Variants in PTPRK observed in about 807,000 individuals in gnomAD.
PTPRK encodes protein tyrosine phosphatase receptor type K.
In PTPRK, 75 loss-of-function variants were observed where a neutral mutation model predicts 178.0. The observed-to-expected ratio is 0.42, with a 90% CI of 0.35 to 0.51. PTPRK has a LOEUF of 0.51. PTPRK is among the 20% of genes least tolerant of loss of function. PTPRK has a pLI of 0.02. For synonymous variants in PTPRK, 637 were observed against 620.6 expected, an observed-to-expected ratio of 1.03 and a Z score of -0.39; for missense variants, 1,441 against 1,797.8, an observed-to-expected ratio of 0.80 and a Z score of 3.59.
intron 1 of PTPRK, among the ~76,000 whole-genome samples, chr6:128,406,972 T>A (rs182975032): frequency 5.9e-5 from 9 of 152,338 alleles, no homozygotes; most frequent in African/African-American, 2.2e-4. Context: ...AAATTTTACA[T>A]TGGATCTCAC....
chr6:128,148,516 C>T (rs1427756149), intron 7 of PTPRK, among the ~76,000 whole-genome samples: 3 of 152,050 alleles, frequency 2.0e-5, no homozygotes, highest in Non-Finnish European at 4.4e-5. Flanking sequence ...GAAGGTGATC[C>T]TCTTTTGACA....
chr6:127,992,787 A>C, intron 18 of PTPRK, 78 bp from the exon 19 acceptor site: 1 of 1,152,958 alleles, frequency 8.7e-7, no homozygotes, highest in Non-Finnish European at 1.3e-6. Flanking sequence ...AAAGATGAAG[A>C]CAACCACCTG....
At chr6:128,482,767 A>G (rs555326436) in intron 1 of PTPRK, among the ~76,000 whole-genome samples, 35 of 152,284 alleles carry the variant, frequency 2.3e-4, no homozygotes, top group African/African-American at 8.2e-4. Context: ...TGCAATCAAC[A>G]AGACAGCAAT....
At chr6:128,224,446 T>G (rs1450134635) in intron 5 of PTPRK, among the ~76,000 whole-genome samples, 1 of 152,158 alleles carries the variant, frequency 6.6e-6, no homozygotes, top group East Asian at 1.9e-4. Context: ...AAAGGTTGAT[T>G]CTCCAACATC....
intron 3 of PTPRK, among the ~76,000 whole-genome samples, chr6:128,261,424 T>C (rs1397091443): frequency 6.6e-6 from 1 of 152,208 alleles, no homozygotes; most frequent in Non-Finnish European, 1.5e-5. Flanking sequence ...CACTACATTG[T>C]ACATTGACAG....
chr6:128,377,597 A>C (rs1468544375), intron 2 of PTPRK, among the ~76,000 whole-genome samples: 3 of 152,096 alleles, frequency 2.0e-5, no homozygotes, highest in African/African-American at 7.2e-5. Context: ...GAACTGCCTA[A>C]ATTTTCTTCA....
At chr6:128,307,003 G>C (rs1348204919) in intron 3 of PTPRK, among the ~76,000 whole-genome samples, 3 of 151,760 alleles carry the variant, frequency 2.0e-5, no homozygotes, top group Admixed American at 1.3e-4. Flanking sequence ...CATTTCAAAG[G>C]ACATGTTTAA....
intron 13 of PTPRK, among the ~76,000 whole-genome samples, chr6:128,060,937 A>T (rs890921398): frequency 4.6e-5 from 7 of 152,164 alleles, no homozygotes; most frequent in Admixed American, 3.3e-4. Flanking sequence ...CAGTACTGTA[A>T]CCTGTTTGAT....
intron 6 of PTPRK, among the ~76,000 whole-genome samples, chr6:128,198,215 T>C (rs764228912): frequency 3.9e-5 from 6 of 152,152 alleles, no homozygotes; most frequent in African/African-American, 4.8e-5. Context: ...GAACTCTATG[T>C]CTTATTAAGA....
chr6:128,298,300 A>G (rs936711079), intron 3 of PTPRK, among the ~76,000 whole-genome samples: 5 of 152,110 alleles, frequency 3.3e-5, no homozygotes, highest in South Asian at 4.1e-4. Flanking sequence ...TACCAAAGGT[A>G]CAAGGAGGAA....
intron 3 of PTPRK, among the ~76,000 whole-genome samples, chr6:128,284,643 T>G (rs893615151): frequency 2.0e-5 from 3 of 152,226 alleles, no homozygotes; most frequent in Non-Finnish European, 4.4e-5. Context: ...AAAATCTGCA[T>G]GATATTTACA....
intron 3 of PTPRK, among the ~76,000 whole-genome samples, chr6:128,271,044 A>G (rs566603913): frequency 1.4e-4 from 21 of 152,202 alleles, no homozygotes; most frequent in Middle Eastern, 6.8e-3. Context: ...TAACATCAAG[A>G]GTAGCCTTGA....
At chr6:128,070,254 C>T (rs908778000) in intron 11 of PTPRK, among the ~76,000 whole-genome samples, 2 of 151,944 alleles carry the variant, frequency 1.3e-5, no homozygotes, top group Non-Finnish European at 2.9e-5. Context: ...AAACTTAAAC[C>T]AGGAACCTCA....
At position 128,067,729 on chromosome 6, in the gene PTPRK, C is replaced by T. The variant is rs746581345; in HGVS notation, c.1947G>A (p.Met649Ile). ...PHRTKREAGA[M>I]ECYQVPVTYQ... ...ATGTGACAGGAACCTGGTAGCATTC[C>T]ATGGCTCCGGCTTCTCTCTTGGTTC... Residue 649 changes from methionine to isoleucine, a missense_variant, in exon 12 of 30, where the codon ATG becomes ATA. Physicochemically the swap from Met to Ile is conservative, Grantham distance 10. Coordinates refer to ENST00000368226, the MANE Select transcript of PTPRK (RefSeq NM_002844.4). The T allele has an allele frequency of 1.2e-5, 20 of 1,613,392 alleles. No individual in the cohort carries two copies. The highest frequency in any genetic ancestry group is 4.0e-5 in the African/African-American group (3 of 74,900).
Position 128,012,947 on chromosome 6 carries a change from G to C in PTPRK, c.2195-3679C>G, listed in dbSNP as rs539552731. 4.0e-5 allele frequency among the ~76,000 whole-genome samples: 6 copies of C among 149,002 alleles called. No homozygotes were observed. The South Asian group carries it at 1.0e-3, about 26-fold the overall frequency. ...CTTTCTTTTTCAGTTATAGATCTGA[G>C]AAACTGTTCCCACTCACTTCCCAAT... On this transcript the variant is annotated intron_variant, in intron 13 of 29. Coordinates refer to ENST00000368226, the MANE Select transcript of PTPRK (RefSeq NM_002844.4).
chr6:128,093,094 GAAT>G (rs1407560603), intron 7 of PTPRK, among the ~76,000 whole-genome samples: 1 of 152,142 alleles, frequency 6.6e-6, no homozygotes, highest in Non-Finnish European at 1.5e-5. Flanking sequence ...ACACATTCAT[GAAT>G]TCATTATCTG....
intron 10 of PTPRK, among the ~76,000 whole-genome samples, chr6:128,081,565 T>C (rs1784826466): frequency 6.6e-6 from 1 of 152,034 alleles, no homozygotes; most frequent in Non-Finnish European, 1.5e-5. Flanking sequence ...ATATTTGCCA[T>C]GTGGAACTAT....
intron 1 of PTPRK, among the ~76,000 whole-genome samples, chr6:128,417,013 C>A (rs1194655683): frequency 6.7e-6 from 1 of 148,608 alleles, no homozygotes; most frequent in Non-Finnish European, 1.5e-5. Flanking sequence ...GGTAATATCA[C>A]TATATAATTA....
At chr6:128,146,071 AG>A (rs1395558354) in intron 7 of PTPRK, among the ~76,000 whole-genome samples, 1 of 152,168 alleles carries the variant, frequency 6.6e-6, no homozygotes, top group Non-Finnish European at 1.5e-5. Flanking sequence ...GTGGGGTTGA[AG>A]GGTCTAGAAG....
Sources: gnomAD v4.1 joint callset for allele counts (sites outside exome capture counted in the v4.1 genomes callset) on GRCh38, gnomAD v4.1.1 for gene constraint, MANE v1.5 for transcripts, NCBI Gene and HGNC (gene_info 2026-07-23, HGNC 2026-07-21) for gene names.